Variants in SLC35D4 observed in about 807,000 individuals in gnomAD.
SLC35D4 encodes solute carrier family 35 member D4.
the SLC35D4 span, among the ~76,000 whole-genome samples, chr18:23,249,689 G>A: frequency 6.6e-6 from 1 of 152,230 alleles, no homozygotes; most frequent in Non-Finnish European, 1.5e-5. Flanking sequence ...GGATGAGGGT[G>A]AGGCTCAGGG....
chr18:23,298,417 T>C, the SLC35D4 span, among the ~76,000 whole-genome samples: 3 of 152,200 alleles, frequency 2.0e-5, no homozygotes, highest in Non-Finnish European at 4.4e-5. Flanking sequence ...AGGCCTCTGG[T>C]GCTGTTGGCA....
chr18:23,377,331 T>C, the SLC35D4 span, among the ~76,000 whole-genome samples: 1 of 152,234 alleles, frequency 6.6e-6, no homozygotes, highest in Non-Finnish European at 1.5e-5. Flanking sequence ...TACTTTTAAA[T>C]TTTTAAGTCA....
At chr18:23,392,235 C>T in the SLC35D4 span, among the ~76,000 whole-genome samples, 2 of 152,100 alleles carry the variant, frequency 1.3e-5, no homozygotes, top group African/African-American at 4.8e-5. Context: ...ACCATGCTGG[C>T]CCTTTTACTT....
At chr18:23,368,989 G>A in the SLC35D4 span, among the ~76,000 whole-genome samples, 10 of 152,284 alleles carry the variant, frequency 6.6e-5, no homozygotes, top group African/African-American at 2.2e-4. Context: ...TCAAAGGAGT[G>A]TCAACTATCT....
chr18:23,413,956 T>TA, the SLC35D4 span, among the ~76,000 whole-genome samples: 121,509 of 133,428 alleles, frequency 0.91, 55,318 homozygotes, highest in Admixed American at 0.93. Context: ...AAAAAAAAAT[T>TA]AAAAAAAAAA....
chr18:23,423,334 C>T, the SLC35D4 span, among the ~76,000 whole-genome samples: 1 of 152,240 alleles, frequency 6.6e-6, no homozygotes, highest in Non-Finnish European at 1.5e-5. Flanking sequence ...AATGTGGGTC[C>T]TGCCTTCAAA....
the SLC35D4 span, among the ~76,000 whole-genome samples, chr18:23,349,952 G>A: frequency 1.3e-5 from 2 of 152,092 alleles, no homozygotes; most frequent in African/African-American, 4.8e-5. Flanking sequence ...TTAAATAGCT[G>A]CTCTGTAGAC....
chr18:23,331,733 C>G, the SLC35D4 span, among the ~76,000 whole-genome samples: 1 of 152,122 alleles, frequency 6.6e-6, no homozygotes, highest in Admixed American at 6.6e-5. Flanking sequence ...TCCTCCCAAT[C>G]CATTCACTCA....
chr18:23,330,818 C>T, the SLC35D4 span, among the ~76,000 whole-genome samples: 2 of 152,164 alleles, frequency 1.3e-5, no homozygotes, highest in African/African-American at 4.8e-5. Flanking sequence ...AAAAATGCAA[C>T]AGCAGCAAAG....
At chr18:23,368,405 G>A in the SLC35D4 span, among the ~76,000 whole-genome samples, 2 of 152,320 alleles carry the variant, frequency 1.3e-5, no homozygotes, top group East Asian at 3.9e-4. Context: ...CATGGGTGGG[G>A]GATTCAAGGA....
the SLC35D4 span, among the ~76,000 whole-genome samples, chr18:23,245,234 G>A: frequency 1.3e-4 from 20 of 152,294 alleles, 1 homozygote; most frequent in South Asian, 2.1e-4. Flanking sequence ...TGGGCCGGGC[G>A]TAGTGCCTCA....
the SLC35D4 span, chr18:23,371,526 TC>T: frequency 7.0e-7 from 1 of 1,422,648 alleles, no homozygotes; most frequent in Non-Finnish European, 9.6e-7. Flanking sequence ...GCAAATGGAA[TC>T]CAGTGTGGCC....
At chr18:23,254,077 CCCA>C in the SLC35D4 span, 14 of 689,016 alleles carry the variant, frequency 2.0e-5, no homozygotes, top group South Asian at 2.5e-4. Context: ...TGAAGTCTTT[CCCA>C]TAGTGGGAAT....
the SLC35D4 span, among the ~76,000 whole-genome samples, chr18:23,313,821 A>C: frequency 1.3e-5 from 2 of 152,144 alleles, no homozygotes; most frequent in African/African-American, 4.8e-5. Context: ...CAGTCCACTG[A>C]GTGGAACCTT....
chr18:23,365,820 G>A, the SLC35D4 span: 1 of 841,590 alleles, frequency 1.2e-6, no homozygotes, highest in Non-Finnish European at 1.8e-6. Context: ...CTCAGAGAGA[G>A]TAAGAATGTC....
chr18:23,358,518 G>A, the SLC35D4 span, among the ~76,000 whole-genome samples: 1 of 151,984 alleles, frequency 6.6e-6, no homozygotes, highest in African/African-American at 2.4e-5. Flanking sequence ...ACCCCATAAT[G>A]AGAGAGAGAA....
chr18:23,239,637 A>G, the SLC35D4 span, among the ~76,000 whole-genome samples: 2 of 152,192 alleles, frequency 1.3e-5, no homozygotes, highest in African/African-American at 4.8e-5. Flanking sequence ...GGGAACAGGT[A>G]TAGAATTCGC....
At chr18:23,371,149 C>T in the SLC35D4 span, among the ~76,000 whole-genome samples, 3 of 150,010 alleles carry the variant, frequency 2.0e-5, no homozygotes, top group African/African-American at 4.9e-5. Flanking sequence ...GGCTGGAGTG[C>T]GGTGGTGTGA....
the SLC35D4 span, among the ~76,000 whole-genome samples, chr18:23,396,657 T>C: frequency 1.3e-5 from 2 of 152,122 alleles, no homozygotes; most frequent in South Asian, 2.1e-4. Context: ...CCCGTGTCTG[T>C]AGTCCCAGCT....
Sources: gnomAD v4.1 joint callset for allele counts (sites outside exome capture counted in the v4.1 genomes callset) on GRCh38, gnomAD v4.1.1 for gene constraint, MANE v1.5 for transcripts, NCBI Gene and HGNC (gene_info 2026-07-23, HGNC 2026-07-21) for gene names.